Variants in NTNG1 observed in about 807,000 individuals in gnomAD.
NTNG1 encodes the protein netrin G1.
Under a neutral mutation model 54.0 loss-of-function variants are expected in NTNG1, and 16 were observed. The observed-to-expected ratio is 0.30, with a 90% CI of 0.20 to 0.45. The LOEUF (loss-of-function observed/expected upper bound fraction) is 0.45, where lower values mean the gene tolerates loss of function less well. NTNG1 is among the 20% of genes least tolerant of loss of function. The pLI, the probability that NTNG1 is intolerant of heterozygous loss-of-function variation, is 1.00. For synonymous variants in NTNG1, 255 were observed against 263.1 expected (o/e 0.97, Z 0.30); for missense variants, 530 against 678.7 (o/e 0.78, Z 2.43).
chr1:107,431,825 C>T (rs1675285595), intron 6 of NTNG1, among the ~76,000 whole-genome samples: 1 of 152,134 alleles, frequency 6.6e-6, no homozygotes, highest in Non-Finnish European at 1.5e-5. Context: ...TATAGGCACC[C>T]AGTTTTAAAG....
chr1:107,418,243 A>G (rs1242501156), intron 5 of NTNG1, among the ~76,000 whole-genome samples: 14 of 152,044 alleles, frequency 9.2e-5, no homozygotes, highest in Non-Finnish European at 1.5e-4. Flanking sequence ...CTTTAGTGTT[A>G]TCTTCTAGTT....
chr1:107,162,135 C>A (rs1044906063), intron 2 of NTNG1, among the ~76,000 whole-genome samples: 2 of 151,854 alleles, frequency 1.3e-5, no homozygotes, highest in Non-Finnish European at 2.9e-5. Context: ...TTTGCAATTA[C>A]AAGCCACTCT....
Position 107,324,584 on chromosome 1 carries a change from A to C in NTNG1, c.549A>C (p.Leu183Phe). Residue 183 changes from leucine to phenylalanine, a missense_variant, in exon 3 of 8, where the codon TTA becomes TTC. Transcript: ENST00000370068. ...ATCAGTATTATGCCACAGACTGCTT[A>C]GATGCTTTTCACATGGATCCTAAAT... ...QPYQYYATDC[L>F]DAFHMDPKSV... 6.2e-7 allele frequency: 1 copy of C among 1,613,724 alleles called. No homozygotes were observed. The highest frequency in any genetic ancestry group is 8.5e-7 in the Non-Finnish European group (1 of 1,179,834).
At position 107,419,865 on chromosome 1, in the gene NTNG1, G is replaced by A. The variant is rs1323291363; in HGVS notation, c.1088-10885G>A. 2.0e-5 allele frequency among the ~76,000 whole-genome samples: 3 copies of A among 151,946 alleles called. No homozygotes were observed. In the East Asian group the frequency reaches 5.8e-4, roughly 29 times the overall value. Reference sequence around the variant, plus strand: ...ACTGTCCTAGATACATATATTACTAGCAAATAGAATTATCTTAATCATCTG... The same window carrying A: ...ACTGTCCTAGATACATATATTACTAACAAATAGAATTATCTTAATCATCTG... On this transcript the variant is annotated intron_variant, in intron 5 of 7. Transcript: ENST00000370068.
intron 7 of NTNG1, among the ~76,000 whole-genome samples, chr1:107,476,873 C>T (rs1467319265): frequency 1.3e-5 from 2 of 152,216 alleles, no homozygotes; most frequent in African/African-American, 2.4e-5. Flanking sequence ...CCAGCCATAG[C>T]AGTCCATGCA....
chr1:107,441,520 G>A (rs1291664245), intron 7 of NTNG1, among the ~76,000 whole-genome samples: 1 of 152,086 alleles, frequency 6.6e-6, no homozygotes, highest in Admixed American at 6.6e-5. Flanking sequence ...ACATAGCAAG[G>A]GGGAGACAGA....
chr1:107,253,272 G>C (rs1557845786), intron 2 of NTNG1, among the ~76,000 whole-genome samples: 1 of 152,128 alleles, frequency 6.6e-6, no homozygotes. Context: ...ATGCAGTCTG[G>C]TGACTTTTTA....
At chr1:107,298,523 A>G (rs1006457515) in intron 2 of NTNG1, among the ~76,000 whole-genome samples, 2 of 152,218 alleles carry the variant, frequency 1.3e-5, no homozygotes, top group African/African-American at 4.8e-5. Flanking sequence ...TTATTCACAC[A>G]TACAGTTAAA....
chr1:107,147,837 C>T (rs1383558107), intron 1 of NTNG1, among the ~76,000 whole-genome samples: 3 of 152,122 alleles, frequency 2.0e-5, no homozygotes, highest in Admixed American at 1.3e-4. Context: ...CTGTAACTCA[C>T]GCACACGTGT....
At chr1:107,413,488 C>T (rs2101184409) in intron 5 of NTNG1, among the ~76,000 whole-genome samples, 1 of 152,098 alleles carries the variant, frequency 6.6e-6, no homozygotes, top group Non-Finnish European at 1.5e-5. Flanking sequence ...TTCCAGATTT[C>T]CTGAGGAATG....
intron 5 of NTNG1, among the ~76,000 whole-genome samples, chr1:107,411,386 T>C (rs1274565624): frequency 1.3e-5 from 2 of 152,166 alleles, no homozygotes; most frequent in African/African-American, 2.4e-5. Flanking sequence ...AGCCCAGAGA[T>C]GTTTTCATAC....
At chr1:107,159,680 A>G (rs1655268825) in intron 2 of NTNG1, among the ~76,000 whole-genome samples, 1 of 152,212 alleles carries the variant, frequency 6.6e-6, no homozygotes, top group South Asian at 2.1e-4. Context: ...ACCATAGTGA[A>G]AACCTTTTTT....
intron 2 of NTNG1, among the ~76,000 whole-genome samples, chr1:107,307,659 G>A (rs1666769465): frequency 6.6e-6 from 1 of 152,218 alleles, no homozygotes; most frequent in Non-Finnish European, 1.5e-5. Flanking sequence ...TGTTCCAGTT[G>A]TCCAGACTTG....
At chr1:107,438,447 C>T (rs1180901976) in intron 7 of NTNG1, among the ~76,000 whole-genome samples, 1 of 152,134 alleles carries the variant, frequency 6.6e-6, no homozygotes, top group Non-Finnish European at 1.5e-5. Context: ...TCCCAGCAAC[C>T]ATGTGAAGTG....
At chr1:107,278,314 T>C (rs1011650725) in intron 2 of NTNG1, among the ~76,000 whole-genome samples, 4 of 152,200 alleles carry the variant, frequency 2.6e-5, no homozygotes, top group African/African-American at 7.2e-5. Flanking sequence ...TTAGCACCTA[T>C]ATAAGTATAC....
intron 5 of NTNG1, among the ~76,000 whole-genome samples, chr1:107,414,717 G>A (rs1674083505): frequency 6.6e-6 from 1 of 152,118 alleles, no homozygotes; most frequent in Non-Finnish European, 1.5e-5. Context: ...AATAGAATGA[G>A]CTAACATTTA....
intron 7 of NTNG1, among the ~76,000 whole-genome samples, chr1:107,449,882 G>T (rs1676521089): frequency 6.6e-6 from 1 of 152,026 alleles, no homozygotes; most frequent in African/African-American, 2.4e-5. Context: ...CACATGATTA[G>T]CATTGCACTG....
At chr1:107,157,483 A>T (rs1655087155) in intron 2 of NTNG1, among the ~76,000 whole-genome samples, 1 of 152,212 alleles carries the variant, frequency 6.6e-6, no homozygotes, top group Non-Finnish European at 1.5e-5. Context: ...ACTGCACATT[A>T]TATTCTCACA....
At chr1:107,218,121 T>C (rs982527638) in intron 2 of NTNG1, among the ~76,000 whole-genome samples, 1 of 152,162 alleles carries the variant, frequency 6.6e-6, no homozygotes, top group African/African-American at 2.4e-5. Context: ...GTTTTATAAA[T>C]TCGGGATCCC....
Sources: allele counts gnomAD v4.1 joint callset (sites outside exome capture counted in the v4.1 genomes callset), GRCh38; gene constraint gnomAD v4.1.1; transcripts MANE v1.5; gene names NCBI Gene and HGNC (gene_info 2026-07-23, HGNC 2026-07-21).